Variants in PLEKHH1 observed in about 807,000 individuals in gnomAD.
PLEKHH1 encodes the protein pleckstrin homology domain-containing family H member 1.
Under a neutral mutation model 160.0 loss-of-function variants are expected in PLEKHH1, and 104 were observed. That is an observed-to-expected ratio of 0.65 (90% CI 0.55 to 0.76). The LOEUF is 0.76. Ranked by LOEUF, PLEKHH1 falls within the 30% of genes least tolerant of loss-of-function variation. The pLI, the probability that PLEKHH1 is intolerant of heterozygous loss-of-function variation, is 0.00. For missense variants in PLEKHH1, 1,427 were observed against 1,724.1 expected (o/e 0.83, Z 3.05); for synonymous variants, 619 against 678.4 (o/e 0.91, Z 1.36).
chr14:67,548,135 G>A (rs541130184), intron 2 of PLEKHH1, among the ~76,000 whole-genome samples: 2 of 152,154 alleles, frequency 1.3e-5, no homozygotes, highest in African/African-American at 4.8e-5. Flanking sequence ...AGCCACAAAG[G>A]CTATTCAGAC....
At chr14:67,577,471 G>A in intron 18 of PLEKHH1, 57 bp downstream of exon 18, 1 of 1,128,958 alleles carries the variant, frequency 8.9e-7, no homozygotes, top group Non-Finnish European at 1.3e-6. Flanking sequence ...CTTGGGTGGA[G>A]AAGGCCTGTG....
Position 67,583,992 on chromosome 14 carries a change from C to A in PLEKHH1, c.3570-3C>A, listed in dbSNP as rs763595869. 1 of 1,613,980 alleles carries A rather than the reference C, an allele frequency of 6.2e-7. No homozygotes were observed. Among genetic ancestry groups the A allele is most frequent in the Admixed American group, 1.7e-5 (1 of 60,020 alleles). On this transcript the variant is annotated splice_polypyrimidine_tract_variant and splice_region_variant and intron_variant, in intron 25 of 28. Coordinates refer to ENST00000329153, the MANE Select transcript of PLEKHH1 (RefSeq NM_020715.3). ...ACTATTTCTCTCCATCTGCCCACAC[C>A]AGGCACCTGGCAGATATGTTGACCA...
chr14:67,585,740 C>A, intron 27 of PLEKHH1, 86 bp downstream of exon 27: 1 of 1,138,464 alleles, frequency 8.8e-7, no homozygotes, highest in Non-Finnish European at 1.3e-6. Flanking sequence ...AAAGCCTGAA[C>A]CAAGTGACCA....
At chr14:67,535,682 G>C (rs149551326) in intron 1 of PLEKHH1, among the ~76,000 whole-genome samples, 2 of 152,002 alleles carry the variant, frequency 1.3e-5, no homozygotes, top group Non-Finnish European at 2.9e-5. Flanking sequence ...GCCCAGCCTC[G>C]TGAGCACATC....
chr14:67,555,631 GC>G (rs2034561611), intron 2 of PLEKHH1, among the ~76,000 whole-genome samples, 193 bp from the exon 3 acceptor site: 1 of 152,198 alleles, frequency 6.6e-6, no homozygotes, highest in Admixed American at 6.5e-5. Context: ...CTCTTCACCT[GC>G]CCCATGAACT....
intron 1 of PLEKHH1, among the ~76,000 whole-genome samples, chr14:67,536,421 G>A (rs1477883500): frequency 3.3e-5 from 5 of 151,840 alleles, no homozygotes; most frequent in Admixed American, 2.6e-4. Context: ...TCACTAGCAA[G>A]TGGAAGTCAT....
At chr14:67,560,831 A>G (rs1043425653) in intron 5 of PLEKHH1, among the ~76,000 whole-genome samples, 2 of 151,580 alleles carry the variant, frequency 1.3e-5, no homozygotes, top group African/African-American at 4.9e-5. Flanking sequence ...CCTGGGTTCA[A>G]GCAATTCTCC....
rs2035732948 is a variant in PLEKHH1, at chr14:67,578,479, G to A, written c.2752-55G>A. The A allele has an allele frequency of 8.4e-7, 1 of 1,195,456 alleles. No homozygotes were observed. Among genetic ancestry groups the A allele is most frequent in the East Asian group, 2.5e-5 (1 of 40,646 alleles). 74.1% of individuals were successfully genotyped at this position (1,195,456 alleles called of 1,614,324 possible). ...AGGCTCTGTAGCTCAGGGCTATGAG[G>A]ACAGGTGGTGCTGTAGGCCCAGCAC... On this transcript the variant is annotated intron_variant, in intron 19 of 28. Transcript: ENST00000329153. This position sits in a 1 kb window ranked among gnomAD's most constrained non-coding sequence, Gnocchi z 5.0.
rs61988245 is a variant in PLEKHH1 at position 67,549,456 on chromosome 14, C to T, written c.127-6369C>T. ...CAGCTAATTTTTGTATTTTTAGTAG[C>T]GACGGGGTTTCACCATGTTGGCCAG... On this transcript the variant is annotated intron_variant, in intron 2 of 28. Transcript: ENST00000329153. 2.6e-3 allele frequency among the ~76,000 whole-genome samples: 394 copies of T among 151,842 alleles called. 3 individuals carry two copies. The highest frequency in any genetic ancestry group is 3.2e-3 in the Non-Finnish European group (220 of 67,922).
intron 21 of PLEKHH1, 37 bp from the exon 22 acceptor site, chr14:67,579,684 A>G: frequency 6.2e-7 from 1 of 1,600,852 alleles, no homozygotes; most frequent in Non-Finnish European, 8.5e-7. Flanking sequence ...TCCTCTCAGG[A>G]GGTTCACTCA....
intron 1 of PLEKHH1, 39 bp from the exon 2 acceptor site, chr14:67,541,795 C>T (rs1013692980): frequency 2.9e-6 from 4 of 1,379,582 alleles, no homozygotes; most frequent in Non-Finnish European, 3.9e-6. Flanking sequence ...TCCTCACACG[C>T]TTATTTATCT....
chr14:67,558,627 A>G (rs1173775061), intron 4 of PLEKHH1, among the ~76,000 whole-genome samples: 1 of 152,226 alleles, frequency 6.6e-6, no homozygotes, highest in Non-Finnish European at 1.5e-5. Context: ...CAGTAGGTCA[A>G]TCTCATAAAA....
At chr14:67,585,686 C>A in intron 27 of PLEKHH1, 32 bp downstream of exon 27, 1 of 1,402,102 alleles carries the variant, frequency 7.1e-7, no homozygotes, top group Non-Finnish European at 9.9e-7. Flanking sequence ...TCCCTGACCC[C>A]TCCTCTTCCT....
intron 5 of PLEKHH1, among the ~76,000 whole-genome samples, chr14:67,560,005 C>T (rs1450932905): frequency 1.3e-5 from 2 of 152,098 alleles, no homozygotes; most frequent in Non-Finnish European, 2.9e-5. Context: ...TCCACTCTCT[C>T]CACTTTCTCT....
intron 26 of PLEKHH1, 54 bp downstream of exon 26, chr14:67,584,178 CAT>C: frequency 6.3e-7 from 1 of 1,575,768 alleles, no homozygotes; most frequent in Non-Finnish European, 8.6e-7. Flanking sequence ...CCCAACTGCT[CAT>C]GTTTGAGCCA....
intron 1 of PLEKHH1, among the ~76,000 whole-genome samples, chr14:67,539,990 C>T (rs2033900288): frequency 6.6e-6 from 1 of 152,060 alleles, no homozygotes; most frequent in South Asian, 2.1e-4. Context: ...GGTGATTAGC[C>T]CATCAAAGAG....
intron 2 of PLEKHH1, among the ~76,000 whole-genome samples, chr14:67,546,002 A>T (rs1444957701): frequency 2.0e-5 from 3 of 152,240 alleles, no homozygotes; most frequent in Non-Finnish European, 2.9e-5. Flanking sequence ...GAACCATTTA[A>T]TGGCTAACCT....
intron 1 of PLEKHH1, among the ~76,000 whole-genome samples, chr14:67,535,135 G>A (rs139255307): frequency 3.3e-5 from 5 of 152,214 alleles, no homozygotes; most frequent in East Asian, 1.9e-4. Context: ...TTTTTGGGTG[G>A]GTGTGTGAAT....
chr14:67,546,737 C>T (rs994842158), intron 2 of PLEKHH1, among the ~76,000 whole-genome samples: 8 of 152,136 alleles, frequency 5.3e-5, no homozygotes, highest in Non-Finnish European at 1.0e-4. Flanking sequence ...CATGGTGATG[C>T]GTGCCTGTAG....
Sources: gnomAD v4.1 joint callset for allele counts (sites outside exome capture counted in the v4.1 genomes callset) on GRCh38, gnomAD v4.1.1 for gene constraint, Gnocchi (gnomAD v3.1) non-coding constraint, MANE v1.5 for transcripts, NCBI Gene and HGNC (gene_info 2026-07-23, HGNC 2026-07-21) for gene names.